The following UBL3 variants were observed in gnomAD, a reference collection of about 807,000 sequenced individuals.
The protein encoded by UBL3 is ubiquitin-like protein 3.
A neutral mutation model predicts 18.4 loss-of-function variants in UBL3; 6 were observed. The ratio of observed to expected loss-of-function variants is 0.33; its 90% confidence interval spans 0.18 to 0.64. UBL3 has a LOEUF of 0.64. UBL3 is among the 30% of genes least tolerant of loss of function. The pLI is 0.76. For missense variants in UBL3, 109 were observed against 142.9 expected (o/e 0.76, Z 1.21); for synonymous variants, 49 against 46.6 (o/e 1.05, Z -0.21).
At chr13:29,821,059 T>C (rs751865623) in intron 1 of UBL3, among the ~76,000 whole-genome samples, 3 of 152,250 alleles carry the variant, frequency 2.0e-5, no homozygotes, top group Non-Finnish European at 4.4e-5. Context: ...ACCTACCTAA[T>C]AGCATTGTAG....
rs11843596 is a variant in UBL3, at chr13:29,850,322, G to C, written c.-784C>G. 0.024 allele frequency: 3,750 copies of C among 153,666 alleles called. 139 individuals are homozygous for C. The highest frequency in any genetic ancestry group is 0.086 in the African/African-American group (3,592 of 41,536). The allele number at this position is 153,666 out of a possible 1,614,324, so 9.5% of individuals were successfully genotyped here. A position where few individuals can be genotyped will look rare whatever the true frequency, so the allele number is the denominator to read the frequency against. ...GCTGGGGTCGGGGCGCATCGTCTCC[G>C]GCTCCTCGCCACTCCTCTTCTGCCT... On this transcript the variant is annotated 5_prime_UTR_variant, in exon 1 of 5. Coordinates refer to ENST00000380680, the MANE Select transcript of UBL3 (RefSeq NM_007106.4).
chr13:29,791,795 A>C (rs1025129725), intron 1 of UBL3, among the ~76,000 whole-genome samples: 1 of 152,162 alleles, frequency 6.6e-6, no homozygotes, highest in African/African-American at 2.4e-5. Context: ...AAGTACCTCA[A>C]TTTAGACAAT....
intron 1 of UBL3, among the ~76,000 whole-genome samples, chr13:29,831,745 A>AT (rs1206181466): frequency 1.3e-5 from 2 of 152,074 alleles, no homozygotes; most frequent in Non-Finnish European, 2.9e-5. Flanking sequence ...GAAGAAAAAA[A>AT]CTAAAAAATC....
chr13:29,785,047 AG>A (rs1877273437), intron 1 of UBL3, among the ~76,000 whole-genome samples: 1 of 152,168 alleles, frequency 6.6e-6, no homozygotes, highest in African/African-American at 2.4e-5. Context: ...CTGGGACTAC[AG>A]GTGCACGCCA....
At chr13:29,838,546 T>A (rs1029547606) in intron 1 of UBL3, among the ~76,000 whole-genome samples, 1 of 152,136 alleles carries the variant, frequency 6.6e-6, no homozygotes, top group Non-Finnish European at 1.5e-5. Context: ...TAAAAGGCCA[T>A]TCCATTACCC....
intron 2 of UBL3, among the ~76,000 whole-genome samples, chr13:29,776,796 G>A (rs1167090544): frequency 4.8e-5 from 7 of 145,976 alleles, no homozygotes; most frequent in Non-Finnish European, 7.4e-5. Flanking sequence ...ACTTGAGCCC[G>A]GGAGGCAGAG....
At chr13:29,772,435 A>T (rs1876868320) in intron 2 of UBL3, among the ~76,000 whole-genome samples, 1 of 152,100 alleles carries the variant, frequency 6.6e-6, no homozygotes, top group Non-Finnish European at 1.5e-5. Flanking sequence ...GAATACTAAA[A>T]TGTACCAAAT....
At chr13:29,843,236 T>C (rs952134081) in intron 1 of UBL3, among the ~76,000 whole-genome samples, 1 of 152,182 alleles carries the variant, frequency 6.6e-6, no homozygotes, top group East Asian at 1.9e-4. Flanking sequence ...TTTATAAACA[T>C]ACACATAGTA....
At chr13:29,839,857 G>A (rs1252157810) in intron 1 of UBL3, among the ~76,000 whole-genome samples, 1 of 151,556 alleles carries the variant, frequency 6.6e-6, no homozygotes, top group Non-Finnish European at 1.5e-5. Flanking sequence ...AACCCGGGAG[G>A]CGGAGCTTGC....
chr13:29,803,667 A>C lies in UBL3; in HGVS notation c.28-26404T>G, dbSNP rs1427008273. 2.0e-5 allele frequency among the ~76,000 whole-genome samples: 3 copies of C among 152,306 alleles called. No homozygotes were observed. In the East Asian group the frequency reaches 5.8e-4, roughly 29 times the overall value. The stretch of plus-strand genomic sequence containing the variant: ...CTAATTTCAGACAAAACAGACTGTA[A>C]ACCCACAAAGATCAAAAAACACAAA... On this transcript the variant is annotated intron_variant, in intron 1 of 4. Transcript: ENST00000380680.
chr13:29,818,283 C>T (rs886134933), intron 1 of UBL3, among the ~76,000 whole-genome samples: 1 of 152,176 alleles, frequency 6.6e-6, no homozygotes, highest in Admixed American at 6.5e-5. Flanking sequence ...AAGATACTAT[C>T]ACACACATCC....
chr13:29,769,271 A>G (rs1016297600), intron 3 of UBL3, among the ~76,000 whole-genome samples: 1 of 152,144 alleles, frequency 6.6e-6, no homozygotes, highest in Non-Finnish European at 1.5e-5. Context: ...TGAGAGGCTT[A>G]CCATTTGAAG....
intron 1 of UBL3, among the ~76,000 whole-genome samples, chr13:29,833,367 T>G (rs1878832250): frequency 6.6e-6 from 1 of 152,228 alleles, no homozygotes; most frequent in Non-Finnish European, 1.5e-5. Context: ...TGATGGGATC[T>G]ATCTAGGACA....
At chr13:29,822,963 T>C (rs1314887219) in intron 1 of UBL3, among the ~76,000 whole-genome samples, 1 of 152,046 alleles carries the variant, frequency 6.6e-6, no homozygotes, top group Non-Finnish European at 1.5e-5. Flanking sequence ...ATAAAAAATG[T>C]GGAGCGTAGA....
chr13:29,826,926 C>A (rs1384260609), intron 1 of UBL3, among the ~76,000 whole-genome samples: 1 of 152,096 alleles, frequency 6.6e-6, no homozygotes, highest in Non-Finnish European at 1.5e-5. Context: ...TTATTTCTGC[C>A]TTCATTTCGT....
Position 29,767,251 on chromosome 13 carries a change from G to A in UBL3, c.*4C>T, listed in dbSNP as rs749308363. 5 of 1,613,018 alleles carry A rather than the reference G, an allele frequency of 3.1e-6. No homozygotes were observed. In the South Asian group the frequency reaches 4.4e-5, roughly 14 times the overall value. On this transcript the variant is annotated 3_prime_UTR_variant, in exon 5 of 5. Transcript: ENST00000380680. ...TATATCACATCACACTAGGCAGACA[G>A]TGTTTACAGGATTACACAACAATTA...
At position 29,839,468 on chromosome 13, in the gene UBL3, TAAATTCCAAA is replaced by T; in HGVS notation, c.27+10034_27+10043del. On this transcript the variant is annotated intron_variant, in intron 1 of 4. Coordinates refer to ENST00000380680, the MANE Select transcript of UBL3 (RefSeq NM_007106.4). ...TAGAGGGAATTTCATATACATTTTT[TAAATTCCAAA>T]AATATTCCAAAAAAACCCCACAAAG... Among the ~76,000 whole-genome samples the T allele has an allele frequency of 2.0e-5, 3 of 152,286 alleles. No homozygotes were observed. The Middle Eastern group carries it at 0.01, about 518-fold the overall frequency.
intron 1 of UBL3, among the ~76,000 whole-genome samples, chr13:29,824,763 A>G (rs1435169914): frequency 6.6e-6 from 1 of 152,162 alleles, no homozygotes; most frequent in African/African-American, 2.4e-5. Context: ...TTGGTGTTTT[A>G]GACATGAAGT....
chr13:29,815,101 T>C (rs1349702207), intron 1 of UBL3, among the ~76,000 whole-genome samples: 1 of 152,162 alleles, frequency 6.6e-6, no homozygotes, highest in Non-Finnish European at 1.5e-5. Flanking sequence ...CCCCTATGAA[T>C]TGTCCTAACT....
Sources: allele counts gnomAD v4.1 joint callset (sites outside exome capture counted in the v4.1 genomes callset), GRCh38; gene constraint gnomAD v4.1.1; transcripts MANE v1.5; gene names NCBI Gene and HGNC (gene_info 2026-07-23, HGNC 2026-07-21).